LMNB1: variants seen among roughly 807,000 people sequenced by gnomAD.
LMNB1 encodes the protein lamin B1.
LMNB1 carries 23 observed loss-of-function variants against 67.1 expected under a neutral mutation model. The ratio of observed to expected loss-of-function variants is 0.34; its 90% CI spans 0.25 to 0.49. LMNB1 has a LOEUF of 0.49. LMNB1 is among the 20% of genes least tolerant of loss of function. The pLI, the probability that LMNB1 is intolerant of heterozygous loss-of-function variation, is 0.99. For missense variants in LMNB1, 634 were observed against 746.5 expected (o/e 0.85, Z 1.76); for synonymous variants, 281 against 282.9 (o/e 0.99, Z 0.07).
At chr5:126,784,014 ATTTTT>A (rs61578729) in intron 1 of LMNB1, among the ~76,000 whole-genome samples, 5 of 59,446 alleles carry the variant, frequency 8.4e-5, no homozygotes, top group African/African-American at 2.8e-4. Context: ...CTGTCATTTG[ATTTTT>A]TTTTTTTTTT....
Position 126,836,994 on chromosome 5 carries a change from C to T in LMNB1, c.*730C>T, listed in dbSNP as rs1373753683. 2.5e-6 allele frequency: 1 copy of T among 397,362 alleles called. No homozygotes were observed. The highest frequency in any genetic ancestry group is 4.4e-6 in the Non-Finnish European group (1 of 225,518). 24.6% of individuals were successfully genotyped at this position (397,362 alleles called of 1,614,324 possible). On this transcript the variant is annotated 3_prime_UTR_variant, in exon 11 of 11. Transcript: ENST00000261366. ...GCTTAAATTTCTTATGTGACATTAA[C>T]AAATAAAAAAGCTCTTTTAATATTG...
At chr5:126,792,695 G>A (rs1285355294) in intron 1 of LMNB1, among the ~76,000 whole-genome samples, 1 of 149,312 alleles carries the variant, frequency 6.7e-6, no homozygotes, top group African/African-American at 2.5e-5. Flanking sequence ...TCCTGCCTCA[G>A]CCTCCCTAGT....
chr5:126,777,707 C>T lies in LMNB1; in HGVS notation c.199C>T (p.Arg67Cys), dbSNP rs1409360382. The T allele has an allele frequency of 1.2e-5, 18 of 1,545,096 alleles. No homozygotes were observed. Among genetic ancestry groups the T allele is most frequent in the Non-Finnish European group, 1.6e-5 (18 of 1,144,724 alleles). The stretch of plus-strand genomic sequence containing the variant: ...CGCGCTGCAGCTGCAGGTGACGGAG[C>T]GCGAGGAGGTGCGCGGCCGTGAGCT... ...NSALQLQVTE[R>C]EEVRGRELTG... The change falls in exon 1 of 11, where the codon CGC becomes TGC. Residue 67 changes from arginine to cysteine, a missense_variant. Coordinates refer to ENST00000261366, the MANE Select transcript of LMNB1 (RefSeq NM_005573.4).
At chr5:126,811,515 G>C (rs1205175969) in intron 4 of LMNB1, among the ~76,000 whole-genome samples, 5 of 152,136 alleles carry the variant, frequency 3.3e-5, no homozygotes, top group African/African-American at 1.2e-4. Flanking sequence ...TTTAATAGAT[G>C]AAATATTGAA....
chr5:126,823,349 G>A lies in LMNB1; in HGVS notation c.1491+464G>A, dbSNP rs148957193. 2.1e-3 allele frequency among the ~76,000 whole-genome samples: 318 copies of A among 152,220 alleles called. 1 individual carries two copies. The highest frequency in any genetic ancestry group is 6.8e-3 in the African/African-American group (284 of 41,518). ...TTGAATAAAAGTCCTTAGATTATAG[G>A]CACCCTTGTAAATTTTCACTAATTG... On this transcript the variant is annotated intron_variant, in intron 8 of 10. Coordinates refer to ENST00000261366, the MANE Select transcript of LMNB1 (RefSeq NM_005573.4).
intron 9 of LMNB1, among the ~76,000 whole-genome samples, chr5:126,826,649 C>G (rs1325680352): frequency 6.6e-6 from 1 of 152,172 alleles, no homozygotes; most frequent in African/African-American, 2.4e-5. Flanking sequence ...ACCTTACCTT[C>G]CCCATTGCCA....
chr5:126,802,443 G>C (rs1488208485), intron 1 of LMNB1, among the ~76,000 whole-genome samples: 1 of 152,030 alleles, frequency 6.6e-6, no homozygotes, highest in African/African-American at 2.4e-5. Flanking sequence ...TAATAATTTT[G>C]ATGTTATTAT....
At chr5:126,822,946 A>G (rs1044696784) in intron 8 of LMNB1, 61 bp downstream of exon 8, 10 of 1,153,348 alleles carry the variant, frequency 8.7e-6, no homozygotes, top group South Asian at 1.3e-5. Flanking sequence ...AAGTAACTCA[A>G]AAAGTTTTTT....
intron 10 of LMNB1, among the ~76,000 whole-genome samples, chr5:126,835,702 T>C (rs1752232939): frequency 6.6e-6 from 1 of 152,242 alleles, no homozygotes; most frequent in African/African-American, 2.4e-5. Context: ...TCAGAATTTG[T>C]TTTAAACTCC....
chr5:126,833,791 T>C (rs2126742359), intron 10 of LMNB1, among the ~76,000 whole-genome samples: 1 of 152,194 alleles, frequency 6.6e-6, no homozygotes, highest in Middle Eastern at 3.4e-3. Flanking sequence ...CTAGAGGAGG[T>C]ACTCCAGGCC....
intron 2 of LMNB1, among the ~76,000 whole-genome samples, chr5:126,805,230 G>C (rs1430875255): frequency 6.6e-6 from 1 of 152,104 alleles, no homozygotes; most frequent in African/African-American, 2.4e-5. Context: ...TAGGAAATAA[G>C]TAAGAAAAGA....
Position 126,787,546 on chromosome 5 carries a change from A to ATATATATTTTTT in LMNB1, c.359+9680_359+9681insATATATTTTTTT. Among the ~76,000 whole-genome samples the ATATATATTTTTT allele has an allele frequency of 9.7e-3, 632 of 65,362 alleles. 13 individuals carry two copies. Among genetic ancestry groups the ATATATATTTTTT allele is most frequent in the Non-Finnish European group, 0.013 (460 of 36,524 alleles). 42.9% of individuals were successfully genotyped at this position (65,362 alleles called of 152,430 possible). A position where few individuals can be genotyped will look rare whatever the true frequency, so the allele number is the denominator to read the frequency against. ...GGGGTATATATATATATATATATAT[A>ATATATATTTTTT]TTTTTTTTTTTTTTTTTTGAGATAG... On this transcript the variant is annotated intron_variant, in intron 1 of 10. Transcript: ENST00000261366.
intron 8 of LMNB1, among the ~76,000 whole-genome samples, chr5:126,825,398 T>C (rs993072966): frequency 6.6e-5 from 10 of 152,230 alleles, no homozygotes; most frequent in African/African-American, 1.9e-4. Context: ...TCAGATACTC[T>C]AGGGTATTGT....
chr5:126,828,527 C>T (rs1405232186), intron 9 of LMNB1, among the ~76,000 whole-genome samples: 1 of 151,462 alleles, frequency 6.6e-6, no homozygotes, highest in African/African-American at 2.4e-5. Context: ...TTTCATAACT[C>T]AAACATTGAA....
chr5:126,826,317 G>T (rs559129187), intron 9 of LMNB1, among the ~76,000 whole-genome samples: 1 of 152,382 alleles, frequency 6.6e-6, no homozygotes, highest in African/African-American at 2.4e-5. Context: ...CTCCAGAACA[G>T]ATTTTCTGTG....
At chr5:126,780,651 C>T (rs1211033523) in intron 1 of LMNB1, among the ~76,000 whole-genome samples, 1 of 152,166 alleles carries the variant, frequency 6.6e-6, no homozygotes, top group Admixed American at 6.5e-5. Context: ...AGTACCTATT[C>T]TCTGAGGGTT....
chr5:126,777,904 G>A (rs1702583914), intron 1 of LMNB1, 37 bp downstream of exon 1: 1 of 1,381,456 alleles, frequency 7.2e-7, no homozygotes, highest in African/African-American at 1.5e-5. Flanking sequence ...GCGCCAAGGA[G>A]GGGCGGGGGC....
At chr5:126,816,472 C>T (rs1226058222) in intron 5 of LMNB1, among the ~76,000 whole-genome samples, 1 of 152,186 alleles carries the variant, frequency 6.6e-6, no homozygotes, top group Non-Finnish European at 1.5e-5. Context: ...GTACTATAGA[C>T]AGTTCTTGTT....
chr5:126,791,392 A>C (rs1487312552), intron 1 of LMNB1, among the ~76,000 whole-genome samples: 1 of 151,994 alleles, frequency 6.6e-6, no homozygotes, highest in Non-Finnish European at 1.5e-5. Context: ...TTCTCTACTA[A>C]GAGATGTTCT....
Sources: gnomAD v4.1 joint callset for allele counts (sites outside exome capture counted in the v4.1 genomes callset) on GRCh38, gnomAD v4.1.1 for gene constraint, MANE v1.5 for transcripts, NCBI Gene and HGNC (gene_info 2026-07-23, HGNC 2026-07-21) for gene names.